The following PHLDB2 variants were observed in gnomAD, a reference collection of about 807,000 sequenced individuals.
PHLDB2 encodes the protein pleckstrin homology-like domain family B member 2.
PHLDB2 carries 71 observed loss-of-function variants against 123.6 expected under a neutral mutation model. The observed-to-expected ratio is 0.57, with a 90% CI of 0.47 to 0.70. The LOEUF is 0.70. PHLDB2 is among the 30% of genes least tolerant of loss of function. PHLDB2 has a pLI of 0.00. For missense variants in PHLDB2, 1,446 were observed against 1,519.5 expected (o/e 0.95, Z 0.80); for synonymous variants, 547 against 541.6 (o/e 1.01, Z -0.14).
At chr3:111,871,975 A>T (rs1282931) in intron 1 of PHLDB2, among the ~76,000 whole-genome samples, 99,054 of 152,132 alleles carry the variant, frequency 0.65, 32,586 homozygotes, top group East Asian at 0.84. Context: ...CAGCGATCTC[A>T]TCATGACTTC....
intron 1 of PHLDB2, among the ~76,000 whole-genome samples, chr3:111,881,544 G>C: frequency 6.6e-6 from 1 of 152,076 alleles, no homozygotes; most frequent in Middle Eastern, 3.2e-3. Context: ...TAGCAACAGG[G>C]GGTGTCCACA....
At chr3:111,870,752 C>T (rs1209033139) in intron 1 of PHLDB2, among the ~76,000 whole-genome samples, 1 of 152,144 alleles carries the variant, frequency 6.6e-6, no homozygotes, top group African/African-American at 2.4e-5. Flanking sequence ...AAGGACTGCT[C>T]TAAGCTGATG....
At chr3:111,809,393 G>C (rs1393904198) in intron 1 of PHLDB2, among the ~76,000 whole-genome samples, 1 of 152,130 alleles carries the variant, frequency 6.6e-6, no homozygotes, top group African/African-American at 2.4e-5. Flanking sequence ...TCCCTTATGA[G>C]AATGCTGTCT....
chr3:111,810,697 G>A (rs2061799243), intron 1 of PHLDB2, among the ~76,000 whole-genome samples: 1 of 152,100 alleles, frequency 6.6e-6, no homozygotes, highest in Admixed American at 6.5e-5. Context: ...TCCGTCCATA[G>A]CAATGATATA....
chr3:111,917,228 C>A (rs2068234383), intron 3 of PHLDB2: 1 of 152,134 alleles, frequency 6.6e-6, no homozygotes, highest in Non-Finnish European at 1.5e-5. Flanking sequence ...CTTAAGTTGT[C>A]TATTATTAAA....
intron 1 of PHLDB2, among the ~76,000 whole-genome samples, chr3:111,838,264 C>T (rs75368592): frequency 6.6e-6 from 1 of 152,146 alleles, no homozygotes; most frequent in African/African-American, 2.4e-5. Context: ...ATCTCCTGAT[C>T]GGCTGGGACT....
rs869085197 is a variant in PHLDB2, at chr3:111,966,527, G to GGGGGTGT, written c.3078-85_3078-84insGGGTGTG. On this transcript the variant is annotated intron_variant, in intron 13 of 17. Transcript: ENST00000431670. ...TGTGTGTGTGTGTGTGTGTGTCTGGGGTGTGTGTGTGTGTGTGTGTGTATG... is the reference window on the plus strand; with the variant it reads ...TGTGTGTGTGTGTGTGTGTGTCTGGGGGGGTGTGTGTGTGTGTGTGTGTGTGTGTATG... 4.7e-5 allele frequency: 29 copies of GGGGGTGT among 618,486 alleles called. No individual in the cohort carries two copies. The African/African-American group carries it at 5.5e-4, about 12-fold the overall frequency. The allele number at this position is 618,486 out of a possible 1,614,324, so 38.3% of individuals were successfully genotyped here.
chr3:111,839,527 C>A (rs1214066885), intron 1 of PHLDB2, among the ~76,000 whole-genome samples: 2 of 152,202 alleles, frequency 1.3e-5, no homozygotes, highest in African/African-American at 4.8e-5. Flanking sequence ...TTATCTTTAG[C>A]ATTTTAAAAA....
intron 1 of PHLDB2, among the ~76,000 whole-genome samples, chr3:111,814,271 T>C (rs1245958160): frequency 6.6e-6 from 1 of 151,306 alleles, no homozygotes; most frequent in African/African-American, 2.4e-5. Flanking sequence ...CAGCTGCCAG[T>C]GCAGCTAGAA....
intron 2 of PHLDB2, among the ~76,000 whole-genome samples, chr3:111,905,649 C>G (rs1427360034): frequency 1.3e-5 from 2 of 152,066 alleles, no homozygotes; most frequent in East Asian, 3.9e-4. Flanking sequence ...AGCCACCACA[C>G]CCTACCTTAA....
intron 8 of PHLDB2, among the ~76,000 whole-genome samples, chr3:111,942,853 A>G (rs2070001433): frequency 6.7e-6 from 1 of 150,042 alleles, no homozygotes; most frequent in South Asian, 2.1e-4. Context: ...ATATAATGGT[A>G]TATAATATGT....
At chr3:111,911,928 A>G (rs1393335060) in intron 2 of PHLDB2, among the ~76,000 whole-genome samples, 1 of 152,228 alleles carries the variant, frequency 6.6e-6, no homozygotes, top group East Asian at 1.9e-4. Flanking sequence ...TGTTAATAGC[A>G]TCAACTAATA....
chr3:111,924,885 G>A (rs927439397), intron 5 of PHLDB2, among the ~76,000 whole-genome samples: 1 of 152,154 alleles, frequency 6.6e-6, no homozygotes, highest in African/African-American at 2.4e-5. Context: ...CTGGAGTGCA[G>A]TGGCTTAACA....
At position 111,885,466 on chromosome 3, in the gene PHLDB2, C is replaced by T. The variant is rs748369031; in HGVS notation, c.1335+54C>T. 3.1e-6 allele frequency: 5 copies of T among 1,610,558 alleles called. No homozygotes were observed. In the Admixed American group the frequency reaches 8.3e-5, roughly 27 times the overall value. ...TCACTGTTTCATTAACCAGCATCTA[C>T]AGGGCAGCCTTGGAGATGGACTCCA... On this transcript the variant is annotated intron_variant, in intron 2 of 17. Transcript: ENST00000431670.
At chr3:111,944,624 T>C (rs2070164607) in intron 8 of PHLDB2, among the ~76,000 whole-genome samples, 1 of 152,066 alleles carries the variant, frequency 6.6e-6, no homozygotes, top group Non-Finnish European at 1.5e-5. Context: ...TTATGTGTTA[T>C]TTGGAAGGAT....
intron 1 of PHLDB2, among the ~76,000 whole-genome samples, chr3:111,750,122 G>A (rs1389929495): frequency 2.6e-5 from 4 of 152,190 alleles, no homozygotes; most frequent in African/African-American, 9.7e-5. Context: ...CACCAGCTAA[G>A]ATAAAACAAA....
intron 1 of PHLDB2, among the ~76,000 whole-genome samples, chr3:111,819,455 G>C (rs566530728): frequency 6.6e-6 from 1 of 152,292 alleles, no homozygotes; most frequent in South Asian, 2.1e-4. Context: ...AGACCTTTCT[G>C]CATCTTTAAT....
chr3:111,948,335 C>T (rs901708786), intron 9 of PHLDB2, among the ~76,000 whole-genome samples: 1 of 152,072 alleles, frequency 6.6e-6, no homozygotes, highest in Admixed American at 6.6e-5. Flanking sequence ...CATGAAAGGA[C>T]AGTGTTATTT....
chr3:111,879,230 A>G (rs2065814269), intron 1 of PHLDB2, among the ~76,000 whole-genome samples: 1 of 152,088 alleles, frequency 6.6e-6, no homozygotes, highest in Non-Finnish European at 1.5e-5. Context: ...CAATTTCAGA[A>G]CTTGTTATTG....
Sources: gnomAD v4.1 joint callset for allele counts (sites outside exome capture counted in the v4.1 genomes callset) on GRCh38, gnomAD v4.1.1 for gene constraint, MANE v1.5 for transcripts, NCBI Gene and HGNC (gene_info 2026-07-23, HGNC 2026-07-21) for gene names.